The following COP1 variants were observed in gnomAD, a reference collection of about 807,000 sequenced individuals.
The protein encoded by COP1 is COP1 E3 ubiquitin ligase.
COP1 carries 24 observed loss-of-function variants against 101.3 expected under a neutral mutation model. That is an observed-to-expected ratio of 0.24 (90% CI 0.17 to 0.33). The LOEUF (loss-of-function observed/expected upper bound fraction) is 0.33, where lower values mean the gene tolerates loss of function less well. Ranked by LOEUF, COP1 falls within the 10% of genes least tolerant of loss-of-function variation. COP1 has a pLI of 1.00. For missense variants in COP1, 663 were observed against 906.2 expected (o/e 0.73, Z 3.45); for synonymous variants, 347 against 341.9 (o/e 1.01, Z -0.17).
At chr1:176,117,732 T>C (rs1553271933) in intron 8 of COP1, among the ~76,000 whole-genome samples, 1 of 151,994 alleles carries the variant, frequency 6.6e-6, no homozygotes, top group Non-Finnish European at 1.5e-5. Context: ...CTGTCTCTAC[T>C]AAAAGTAAAA....
chr1:176,163,061 T>C, intron 4 of COP1, 73 bp from the exon 5 acceptor site: 1 of 1,441,344 alleles, frequency 6.9e-7, no homozygotes, highest in Non-Finnish European at 9.4e-7. Flanking sequence ...AAATGTTTAC[T>C]TGCTACTTCC....
At position 175,944,934 on chromosome 1, in the gene COP1, A is replaced by G; in HGVS notation, c.*219T>C. On this transcript the variant is annotated 3_prime_UTR_variant, in exon 20 of 20. Coordinates refer to ENST00000367669, the MANE Select transcript of COP1 (RefSeq NM_022457.7). ...AACACCACCAAGAGCAGCAATGTCC[A>G]TGGAGTTACATTGATGGTGGAGAGT... The G allele has an allele frequency of 2.0e-6, 1 of 511,936 alleles. No individual in the cohort carries two copies. Among genetic ancestry groups the G allele is most frequent in the Non-Finnish European group, 3.5e-6 (1 of 288,086 alleles). The allele number at this position is 511,936 out of a possible 1,614,324, so 31.7% of individuals were successfully genotyped here.
At chr1:176,055,155 T>C (rs948208345) in intron 11 of COP1, among the ~76,000 whole-genome samples, 9 of 152,136 alleles carry the variant, frequency 5.9e-5, no homozygotes, top group African/African-American at 1.9e-4. Context: ...CATCCCAGGC[T>C]GGGTGCAGTG....
intron 6 of COP1, among the ~76,000 whole-genome samples, chr1:176,137,892 C>T (rs924366303): frequency 6.6e-6 from 1 of 151,906 alleles, no homozygotes; most frequent in African/African-American, 2.4e-5. Flanking sequence ...AGAACAGGAT[C>T]GAAAAACAAC....
At chr1:176,011,955 T>C (rs1250153673) in intron 15 of COP1, among the ~76,000 whole-genome samples, 1 of 152,200 alleles carries the variant, frequency 6.6e-6, no homozygotes, top group Non-Finnish European at 1.5e-5. Context: ...TACTGGCTTA[T>C]GTATTTACTG....
intron 9 of COP1, among the ~76,000 whole-genome samples, chr1:176,110,083 G>A (rs906159166): frequency 6.6e-6 from 1 of 152,124 alleles, no homozygotes; most frequent in African/African-American, 2.4e-5. Flanking sequence ...TAGACTGCCT[G>A]TCTGTCTCTA....
chr1:176,094,688 G>T (rs1324676951), intron 9 of COP1, among the ~76,000 whole-genome samples: 1 of 145,064 alleles, frequency 6.9e-6, no homozygotes, highest in Non-Finnish European at 1.5e-5. Flanking sequence ...AAAAAAAAAA[G>T]TCCTCAAATA....
chr1:175,958,896 G>T (rs1650996861), intron 18 of COP1, among the ~76,000 whole-genome samples: 1 of 151,922 alleles, frequency 6.6e-6, no homozygotes, highest in South Asian at 2.1e-4. Context: ...ATTCAAGAAA[G>T]AAATAATTTC....
At chr1:176,192,794 A>T (rs1296333609) in intron 1 of COP1, among the ~76,000 whole-genome samples, 4 of 152,204 alleles carry the variant, frequency 2.6e-5, no homozygotes, top group Non-Finnish European at 5.9e-5. Flanking sequence ...TAGTATCCCC[A>T]TCCCATTATT....
intron 14 of COP1, among the ~76,000 whole-genome samples, chr1:176,037,452 G>A (rs1199230837): frequency 2.1e-5 from 3 of 145,038 alleles, no homozygotes; most frequent in Non-Finnish European, 4.5e-5. Context: ...GCACATAGAA[G>A]AGGAAAATCA....
At chr1:176,035,629 C>A in intron 14 of COP1, among the ~76,000 whole-genome samples, 1 of 139,230 alleles carries the variant, frequency 7.2e-6, no homozygotes, top group East Asian at 2.2e-4. Context: ...GGTAAAAACA[C>A]ACTTAACACA....
chr1:176,056,511 C>T (rs562350779), intron 11 of COP1, among the ~76,000 whole-genome samples: 1 of 150,322 alleles, frequency 6.7e-6, no homozygotes, highest in Non-Finnish European at 1.5e-5. Flanking sequence ...TATAATGGGG[C>T]GTGTGTGTGT....
chr1:176,108,076 G>A (rs1383924170), intron 9 of COP1, among the ~76,000 whole-genome samples: 1 of 151,412 alleles, frequency 6.6e-6, no homozygotes, highest in Non-Finnish European at 1.5e-5. Context: ...ATACACTGCT[G>A]AAATTTAATT....
rs1367421751 is a variant in COP1, at chr1:175,997,042, AAAACAGAGATATAGATCAATG to A, written c.1730-7584_1730-7564del. On this transcript the variant is annotated intron_variant, in intron 15 of 19. Coordinates refer to ENST00000367669, the MANE Select transcript of COP1 (RefSeq NM_022457.7). ...ACCAAAACAGCATGGTACTGGTACC[AAAACAGAGATATAGATCAATG>A]GAACAGAACACAGTCCTCAGAAATA... 2.7e-3 allele frequency among the ~76,000 whole-genome samples: 416 copies of A among 152,078 alleles called. 1 individual carries two copies. Among genetic ancestry groups the A allele is most frequent in the African/African-American group, 9.6e-3 (399 of 41,482 alleles).
intron 19 of COP1, among the ~76,000 whole-genome samples, chr1:175,946,315 G>A (rs910666974): frequency 7.2e-5 from 11 of 152,178 alleles, no homozygotes; most frequent in South Asian, 4.1e-4. Context: ...GTTCTTCTGC[G>A]TTAAGTTTGC....
intron 9 of COP1, among the ~76,000 whole-genome samples, chr1:176,106,432 T>TCAGAA (rs1364419758): frequency 6.6e-6 from 1 of 151,644 alleles, no homozygotes; most frequent in East Asian, 1.9e-4. Context: ...GGCCACAAGA[T>TCAGAA]CAGAAATTAT....
At chr1:176,175,652 G>A (rs959888718) in intron 3 of COP1, among the ~76,000 whole-genome samples, 1 of 152,116 alleles carries the variant, frequency 6.6e-6, no homozygotes, top group African/African-American at 2.4e-5. Context: ...CCACAGACTG[G>A]TACCAGTCCA....
At chr1:176,046,538 C>A (rs1671548359) in intron 11 of COP1, among the ~76,000 whole-genome samples, 1 of 152,040 alleles carries the variant, frequency 6.6e-6, no homozygotes, top group South Asian at 2.1e-4. Flanking sequence ...TATATCTACA[C>A]AATTGTGCAC....
intron 15 of COP1, among the ~76,000 whole-genome samples, chr1:176,026,206 A>G (rs1215063898): frequency 6.6e-6 from 1 of 152,124 alleles, no homozygotes; most frequent in Non-Finnish European, 1.5e-5. Context: ...TAATATTCAT[A>G]TCTGGCATTG....
Sources: gnomAD v4.1 joint callset for allele counts (sites outside exome capture counted in the v4.1 genomes callset) on GRCh38, gnomAD v4.1.1 for gene constraint, MANE v1.5 for transcripts, NCBI Gene and HGNC (gene_info 2026-07-23, HGNC 2026-07-21) for gene names.